The following FRAS1 variants were observed in gnomAD, a reference collection of about 807,000 sequenced individuals.
FRAS1 encodes the protein Fraser extracellular matrix complex subunit 1.
Under a neutral mutation model 435.2 loss-of-function variants are expected in FRAS1, and 290 were observed. That is an observed-to-expected ratio of 0.67 (90% CI 0.61 to 0.73). The LOEUF is 0.73. Among genes scored for constraint, FRAS1 ranks in the 30% least tolerant of loss-of-function variants. The probability of loss-of-function intolerance (pLI) is 0.00; values close to 1 mark genes in which losing one functional copy is unlikely to be tolerated. For missense variants in FRAS1, 4,860 were observed against 5,001.5 expected (o/e 0.97, Z 0.85); for synonymous variants, 1,800 against 1,851.0 (o/e 0.97, Z 0.71).
At chr4:78,480,082 A>C (rs1388868786) in intron 56 of FRAS1, among the ~76,000 whole-genome samples, 1 of 152,198 alleles carries the variant, frequency 6.6e-6, no homozygotes, top group Non-Finnish European at 1.5e-5. Flanking sequence ...TGTTATGTAC[A>C]ATCCAATTAT....
intron 2 of FRAS1, among the ~76,000 whole-genome samples, chr4:78,226,442 G>A (rs1724276099): frequency 6.6e-6 from 1 of 150,910 alleles, no homozygotes; most frequent in Admixed American, 6.6e-5. Flanking sequence ...TTTCATTCTT[G>A]AAAGGTATTT....
chr4:78,062,083 T>C (rs1739784561), intron 1 of FRAS1, among the ~76,000 whole-genome samples: 1 of 152,186 alleles, frequency 6.6e-6, no homozygotes, highest in East Asian at 1.9e-4. Context: ...CATCCTTTAG[T>C]AAGGACCCAG....
At chr4:78,407,886 A>T (rs1269346824) in intron 31 of FRAS1, 45 bp downstream of exon 31, 1 of 1,476,422 alleles carries the variant, frequency 6.8e-7, no homozygotes, top group East Asian at 2.4e-5. Flanking sequence ...TGAATCCAAT[A>T]ATCCAATCGC....
intron 9 of FRAS1, among the ~76,000 whole-genome samples, chr4:78,277,436 C>CCTATTCTG (rs1727104033): frequency 6.6e-6 from 1 of 152,110 alleles, no homozygotes; most frequent in African/African-American, 2.4e-5. Flanking sequence ...TGGACCTGTT[C>CCTATTCTG]CTATTCTGCC....
At chr4:78,143,392 T>TTTTAATGTATA (rs1720271509) in intron 2 of FRAS1, among the ~76,000 whole-genome samples, 1 of 152,112 alleles carries the variant, frequency 6.6e-6, no homozygotes, top group African/African-American at 2.4e-5. Context: ...ACAAGGTGGA[T>TTTTAATGTATA]TTTAATGTAT....
chr4:78,245,026 T>G (rs1725165714), intron 3 of FRAS1, among the ~76,000 whole-genome samples: 1 of 152,180 alleles, frequency 6.6e-6, no homozygotes, highest in South Asian at 2.1e-4. Flanking sequence ...GGAAATTACT[T>G]TTACAGAGGG....
chr4:78,365,708 A>G (rs1731237038), intron 22 of FRAS1, among the ~76,000 whole-genome samples: 1 of 150,318 alleles, frequency 6.7e-6, no homozygotes, highest in Non-Finnish European at 1.5e-5. Flanking sequence ...ATACGCTCCT[A>G]AGTTGGGATA....
chr4:78,408,358 T>C (rs1733187017), intron 31 of FRAS1, among the ~76,000 whole-genome samples: 1 of 152,172 alleles, frequency 6.6e-6, no homozygotes, highest in African/African-American at 2.4e-5. Flanking sequence ...ATTAGGAGTT[T>C]TTTTAATTTG....
chr4:78,245,131 G>T (rs556709025), intron 3 of FRAS1, 102 bp from the exon 4 acceptor site: 1 of 795,494 alleles, frequency 1.3e-6, no homozygotes, highest in East Asian at 2.7e-5. Flanking sequence ...CCTCAGAAAC[G>T]CATGAGATTT....
intron 20 of FRAS1, 182 bp downstream of exon 20, chr4:78,337,999 A>G: frequency 1.7e-6 from 1 of 589,352 alleles, no homozygotes; most frequent in Non-Finnish European, 3.0e-6. Context: ...TTGTGGATTT[A>G]AATAGAACTT....
intron 27 of FRAS1, among the ~76,000 whole-genome samples, chr4:78,381,932 C>A (rs1055603885): frequency 6.6e-6 from 1 of 152,124 alleles, no homozygotes; most frequent in Non-Finnish European, 1.5e-5. Flanking sequence ...AATAATAAAA[C>A]GAGGTTGGTA....
At chr4:78,230,917 G>A (rs1010646140) in intron 2 of FRAS1, among the ~76,000 whole-genome samples, 2 of 152,096 alleles carry the variant, frequency 1.3e-5, no homozygotes, top group African/African-American at 4.8e-5. Flanking sequence ...TGGGGAAAAA[G>A]CATAACATTT....
chr4:78,146,382 T>C (rs951134103), intron 2 of FRAS1, among the ~76,000 whole-genome samples: 4 of 152,186 alleles, frequency 2.6e-5, no homozygotes, highest in Admixed American at 2.0e-4. Context: ...GATGGCATAG[T>C]CCTTGTATAA....
chr4:78,427,371 C>A (rs556350697), intron 35 of FRAS1, among the ~76,000 whole-genome samples: 8 of 152,158 alleles, frequency 5.3e-5, no homozygotes, highest in Non-Finnish European at 1.2e-4. Context: ...AAATAAATTC[C>A]TCTTCTCATA....
chr4:78,068,445 C>T (rs1740161232), intron 2 of FRAS1: 12 of 450,906 alleles, frequency 2.7e-5, no homozygotes, highest in South Asian at 1.7e-4. Context: ...GCAAGAGCTC[C>T]TATGGGCATT....
At chr4:78,319,470 C>G (rs1729410932) in intron 18 of FRAS1, 1 of 456,360 alleles carries the variant, frequency 2.2e-6, no homozygotes, top group Admixed American at 2.4e-5. Flanking sequence ...ACTCAATAGC[C>G]AGGCCATCTA....
chr4:78,177,276 ATTATAC>A (rs1339531686), intron 2 of FRAS1, among the ~76,000 whole-genome samples: 1 of 152,220 alleles, frequency 6.6e-6, no homozygotes, highest in Non-Finnish European at 1.5e-5. Flanking sequence ...GAAACAAATA[ATTATAC>A]TTAAGTGTTA....
At chr4:78,252,242 A>G (rs2110133107) in intron 4 of FRAS1, 150 bp from the exon 5 acceptor site, 1 of 667,332 alleles carries the variant, frequency 1.5e-6, no homozygotes, top group East Asian at 3.0e-5. Context: ...TGCAAATTCC[A>G]CTCTCAACCT....
rs116753399 is a variant in FRAS1 at position 78,362,471 on chromosome 4, C to T, written c.2423-1042C>T. ...AGTGAGTGCAGGATCTGGCTGGCCACTCCGGGCATTGACACAAGAGCAAGC... is the reference window on the plus strand; with the variant it reads ...AGTGAGTGCAGGATCTGGCTGGCCATTCCGGGCATTGACACAAGAGCAAGC... On this transcript the variant is annotated intron_variant, in intron 20 of 73. Transcript: ENST00000512123. Among the ~76,000 whole-genome samples, 59 of 152,332 alleles carry T rather than the reference C, an allele frequency of 3.9e-4. No homozygotes were observed. The East Asian group carries it at 7.3e-3, about 19-fold the overall frequency.
Sources: allele counts gnomAD v4.1 joint callset (sites outside exome capture counted in the v4.1 genomes callset), GRCh38; gene constraint gnomAD v4.1.1; transcripts MANE v1.5; gene names NCBI Gene and HGNC (gene_info 2026-07-23, HGNC 2026-07-21).